The following EPHA6 variants were observed in gnomAD, a reference collection of about 807,000 sequenced individuals.
EPHA6 encodes the protein EPH receptor A6, also known as ephrin type-A receptor 6.
A neutral mutation model predicts 112.0 loss-of-function variants in EPHA6; 50 were observed. That is an observed-to-expected ratio of 0.45 (90% CI 0.36 to 0.56). EPHA6 has a LOEUF of 0.56. EPHA6 is among the 20% of genes least tolerant of loss of function. The pLI, the probability that EPHA6 is intolerant of heterozygous loss-of-function variation, is 0.00. For synonymous variants in EPHA6, 529 were observed against 490.7 expected (o/e 1.08, Z -1.03); for missense variants, 1,280 against 1,417.4 (o/e 0.90, Z 1.56).
chr3:97,238,068 T>C (rs967698885), intron 4 of EPHA6, among the ~76,000 whole-genome samples: 1 of 152,102 alleles, frequency 6.6e-6, no homozygotes, highest in African/African-American at 2.4e-5. Context: ...AGCTACCATT[T>C]TGGAAATTTC....
Position 96,966,541 on chromosome 3 carries a change from T to A in EPHA6, c.451-20789T>A, listed in dbSNP as rs73848516. On this transcript the variant is annotated intron_variant, in intron 2 of 17. Transcript: ENST00000389672. ...AATTACGTATCTGCTCCCAAATTAGTTTAAGCAATGTTTTTGTTGTTACTG... is the reference window on the plus strand; with the variant it reads ...AATTACGTATCTGCTCCCAAATTAGATTAAGCAATGTTTTTGTTGTTACTG... Among the ~76,000 whole-genome samples the A allele has an allele frequency of 7.7e-3, 1,165 of 152,264 alleles. 16 individuals carry two copies. The highest frequency in any genetic ancestry group is 0.027 in the African/African-American group (1,116 of 41,568).
rs961509966 is a variant in EPHA6, at chr3:97,753,867, G to GAGAT, written c.*5167_*5170dup. On this transcript the variant is annotated 3_prime_UTR_variant, in exon 18 of 18. Transcript: ENST00000389672. ...TTACTGTTAAAAAAAAAGTACTGAT[G>GAGAT]AGATGTAGCAAAGATTTCTCAGGAT... 6.6e-6 allele frequency among the ~76,000 whole-genome samples: 1 copy of GAGAT among 151,894 alleles called. No individual in the cohort carries two copies. Among genetic ancestry groups the GAGAT allele is most frequent in the African/African-American group, 2.4e-5 (1 of 41,384 alleles).
At chr3:97,540,374 G>C (rs2092832340) in intron 11 of EPHA6, among the ~76,000 whole-genome samples, 5 of 152,168 alleles carry the variant, frequency 3.3e-5, no homozygotes, top group Admixed American at 2.0e-4. Flanking sequence ...TGATGACCCT[G>C]TGTATCACAC....
chr3:97,548,985 T>C (rs1279040235), intron 11 of EPHA6, among the ~76,000 whole-genome samples: 1 of 152,212 alleles, frequency 6.6e-6, no homozygotes, highest in Non-Finnish European at 1.5e-5. Context: ...AAAGTATTAC[T>C]CACTTGTGGG....
At chr3:97,011,152 C>T (rs1355478494) in intron 3 of EPHA6, among the ~76,000 whole-genome samples, 1 of 152,154 alleles carries the variant, frequency 6.6e-6, no homozygotes, top group Non-Finnish European at 1.5e-5. Flanking sequence ...GATGGCCAGA[C>T]TCAAGTCTGA....
chr3:97,487,587 T>C (rs568926781), intron 10 of EPHA6, among the ~76,000 whole-genome samples: 117 of 152,346 alleles, frequency 7.7e-4, no homozygotes, highest in Non-Finnish European at 1.4e-3. Flanking sequence ...AACTGAACCA[T>C]AAAAATTTAA....
intron 3 of EPHA6, among the ~76,000 whole-genome samples, chr3:97,223,989 T>C (rs978852520): frequency 7.2e-5 from 11 of 151,996 alleles, no homozygotes; most frequent in South Asian, 4.1e-4. Context: ...TTAGTTTAAA[T>C]TGAGATCTGC....
At chr3:97,330,418 A>G (rs1351638408) in intron 5 of EPHA6, among the ~76,000 whole-genome samples, 1 of 152,096 alleles carries the variant, frequency 6.6e-6, no homozygotes, top group African/African-American at 2.4e-5. Context: ...CAATATGGCC[A>G]TTTTCATGAT....
intron 2 of EPHA6, among the ~76,000 whole-genome samples, chr3:96,985,685 C>G (rs75532931): frequency 0.029 from 4,423 of 152,096 alleles, 211 homozygotes; most frequent in African/African-American, 0.098. Context: ...CTCTGGATTT[C>G]AAGCAAGAAA....
At chr3:97,345,897 T>G (rs2083508817) in intron 5 of EPHA6, among the ~76,000 whole-genome samples, 1 of 152,088 alleles carries the variant, frequency 6.6e-6, no homozygotes, top group Non-Finnish European at 1.5e-5. Flanking sequence ...TTCATAGATT[T>G]TATTGCTGCC....
rs758818286 is a variant in EPHA6 at position 97,610,862 on chromosome 3, G to A, written c.2574+8G>A. 1.9e-5 allele frequency: 30 copies of A among 1,601,372 alleles called. No individual in the cohort carries two copies. The South Asian group carries it at 3.2e-4, about 17-fold the overall frequency. On this transcript the variant is annotated splice_region_variant and intron_variant, in intron 13 of 17. Transcript: ENST00000389672. ...CTAGACTCCTTTTTGCGGGTGAGGT[G>A]TTCTTTTCTGATGGCATTTAAATAA...
At chr3:96,994,709 G>GTATATATATATATATATA (rs66581386) in intron 3 of EPHA6, among the ~76,000 whole-genome samples, 1 of 98,438 alleles carries the variant, frequency 1.0e-5, no homozygotes, top group Non-Finnish European at 1.8e-5. Context: ...GTGTGTGTGT[G>GTATATATATATATATATA]TATATATATA....
chr3:97,090,955 C>T (rs2047046508), intron 3 of EPHA6, among the ~76,000 whole-genome samples: 1 of 152,068 alleles, frequency 6.6e-6, no homozygotes, highest in Non-Finnish European at 1.5e-5. Flanking sequence ...GATGTTTTAA[C>T]ACCTGTTTAC....
rs1336587723 is a variant in EPHA6, at chr3:97,538,983, CTT to C, written c.2386+6442_2386+6443del. ...ACTACATACTGGACACTTTCTCTCT[CTT>C]TCTTTCTTTCTTTCTTTCTTTCTTT... On this transcript the variant is annotated intron_variant, in intron 11 of 17. Transcript: ENST00000389672. Among the ~76,000 whole-genome samples, 7 of 82,804 alleles carry C rather than the reference CTT, an allele frequency of 8.5e-5. No individual in the cohort carries two copies. The East Asian group carries it at 1.5e-3, about 18-fold the overall frequency. The allele number at this position is 82,804 out of a possible 152,430, so 54.3% of individuals were successfully genotyped here. A position where few individuals can be genotyped will look rare whatever the true frequency, so the allele number is the denominator to read the frequency against.
intron 3 of EPHA6, among the ~76,000 whole-genome samples, chr3:97,108,502 A>G (rs1157259433): frequency 1.3e-5 from 2 of 152,178 alleles, no homozygotes. Context: ...CAAGGAAAGT[A>G]CATAAGAAAA....
At chr3:97,040,814 A>G (rs886365505) in intron 3 of EPHA6, among the ~76,000 whole-genome samples, 19 of 152,052 alleles carry the variant, frequency 1.2e-4, no homozygotes, top group African/African-American at 3.9e-4. Flanking sequence ...TTCTTTTACT[A>G]TGTATGCCCA....
intron 3 of EPHA6, among the ~76,000 whole-genome samples, chr3:97,114,041 C>G (rs541656477): frequency 6.6e-6 from 1 of 152,128 alleles, no homozygotes; most frequent in South Asian, 2.1e-4. Flanking sequence ...GAGGTGGTTA[C>G]TACCTCTACC....
intron 2 of EPHA6, among the ~76,000 whole-genome samples, chr3:96,869,596 AC>A (rs2107466413): frequency 6.6e-6 from 1 of 152,118 alleles, no homozygotes; most frequent in East Asian, 1.9e-4. Flanking sequence ...CATAGGCTAA[AC>A]CACATTTTGC....
intron 12 of EPHA6, among the ~76,000 whole-genome samples, chr3:97,595,836 T>C (rs962490904): frequency 2.0e-5 from 3 of 151,916 alleles, no homozygotes; most frequent in Non-Finnish European, 2.9e-5. Context: ...TATTACTGTT[T>C]AAATCAAATT....
Sources: allele counts gnomAD v4.1 joint callset (sites outside exome capture counted in the v4.1 genomes callset), GRCh38; gene constraint gnomAD v4.1.1; transcripts MANE v1.5; gene names NCBI Gene and HGNC (gene_info 2026-07-23, HGNC 2026-07-21).